PHTF2: variants seen among roughly 807,000 people sequenced by gnomAD.
PHTF2 encodes the protein putative homeodomain transcription factor 2.
PHTF2 carries 60 observed loss-of-function variants against 101.2 expected under a neutral mutation model. The ratio of observed to expected loss-of-function variants is 0.59; its 90% confidence interval spans 0.48 to 0.73. The LOEUF (loss-of-function observed/expected upper bound fraction) is 0.73. PHTF2 is among the 30% of genes least tolerant of loss of function. The pLI, the probability that PHTF2 is intolerant of heterozygous loss-of-function variation, is 0.00. For synonymous variants in PHTF2, 311 were observed against 307.3 expected (o/e 1.01, Z -0.13); for missense variants, 747 against 908.7 (o/e 0.82, Z 2.29).
chr7:77,933,228 A>C (rs1425202822), intron 12 of PHTF2, among the ~76,000 whole-genome samples: 1 of 152,128 alleles, frequency 6.6e-6, no homozygotes, highest in Non-Finnish European at 1.5e-5. Context: ...ACAGAGCGAG[A>C]CTCCGTCTCA....
At position 77,929,214 on chromosome 7, in the gene PHTF2, G is replaced by GA; in HGVS notation, c.1226dup (p.Asp409GlufsTer15). 6.2e-7 allele frequency: 1 copy of GA among 1,612,864 alleles called. No homozygotes were observed. The highest frequency in any genetic ancestry group is 1.1e-5 in the South Asian group (1 of 91,048). On this transcript the variant is annotated frameshift_variant, in exon 12 of 20. Transcript: ENST00000416283. LOFTEE classifies it high-confidence loss of function. ...TGAAACAGAAGATGTGTTATGGGAA[G>GA]ACTTGTTACATTGTGCAGAATGCCA...
chr7:77,941,067 C>T (rs1805601439), intron 15 of PHTF2, among the ~76,000 whole-genome samples: 1 of 152,052 alleles, frequency 6.6e-6, no homozygotes, highest in Admixed American at 6.6e-5. Flanking sequence ...CTGAGGATTA[C>T]TTCTTGTTAT....
intron 3 of PHTF2, among the ~76,000 whole-genome samples, chr7:77,887,888 TCA>T (rs1800011972): frequency 6.6e-6 from 1 of 152,214 alleles, no homozygotes; most frequent in Non-Finnish European, 1.5e-5. Flanking sequence ...AGAAAGGACT[TCA>T]CATTCTCACA....
chr7:77,832,782 G>A (rs1795169030), intron 1 of PHTF2, among the ~76,000 whole-genome samples: 1 of 151,744 alleles, frequency 6.6e-6, no homozygotes, highest in African/African-American at 2.4e-5. Context: ...CTATGTTATG[G>A]TGAGTTGTAT....
chr7:77,939,607 AAG>A (rs1160465837), intron 13 of PHTF2, among the ~76,000 whole-genome samples: 3 of 151,542 alleles, frequency 2.0e-5, no homozygotes, highest in South Asian at 4.2e-4. Context: ...AAAAAAAAAA[AAG>A]AAAACAGAAA....
rs533894624 is a variant in PHTF2 at position 77,937,648 on chromosome 7, A to G, written c.1339-62A>G. The stretch of plus-strand genomic sequence containing the variant: ...TATAGAGATATATATACAACTTTAT[A>G]TACACACATTTTATTTATTAAATGT... On this transcript the variant is annotated intron_variant, in intron 12 of 19. Transcript: ENST00000416283. 5.0e-6 allele frequency: 3 copies of G among 598,110 alleles called. No homozygotes were observed. The African/African-American group carries it at 5.8e-5, about 12-fold the overall frequency. The allele number at this position is 598,110 out of a possible 1,614,324, so 37.1% of individuals were successfully genotyped here.
chr7:77,812,181 C>T (rs1182179280), intron 1 of PHTF2, among the ~76,000 whole-genome samples: 1 of 152,074 alleles, frequency 6.6e-6, no homozygotes, highest in Non-Finnish European at 1.5e-5. Flanking sequence ...AACATTTAGT[C>T]TGGAAAAAGA....
chr7:77,805,184 G>A (rs1238825179), intron 1 of PHTF2, among the ~76,000 whole-genome samples: 1 of 152,118 alleles, frequency 6.6e-6, no homozygotes, highest in Non-Finnish European at 1.5e-5. Flanking sequence ...TTAATGTAAA[G>A]TTGTTAAATT....
intron 7 of PHTF2, among the ~76,000 whole-genome samples, chr7:77,902,326 A>G (rs1484050126): frequency 6.6e-6 from 1 of 152,100 alleles, no homozygotes; most frequent in East Asian, 1.9e-4. Flanking sequence ...TACTTTATCA[A>G]AATTCTGTAT....
chr7:77,952,834 C>G (rs1323147461), intron 18 of PHTF2, among the ~76,000 whole-genome samples: 1 of 152,192 alleles, frequency 6.6e-6, no homozygotes, highest in Non-Finnish European at 1.5e-5. Context: ...TTCTTTCTCT[C>G]TCTCTTTACA....
intron 2 of PHTF2, among the ~76,000 whole-genome samples, chr7:77,843,037 A>G (rs55848371): frequency 1.5e-3 from 229 of 152,278 alleles, no homozygotes; most frequent in Middle Eastern, 3.4e-3. Flanking sequence ...TTTAAAAATG[A>G]TATTTCATGT....
intron 2 of PHTF2, 77 bp downstream of exon 2, chr7:77,840,377 G>GTTA (rs1390665799): frequency 1.6e-5 from 14 of 875,902 alleles, no homozygotes; most frequent in Non-Finnish European, 2.6e-5. Context: ...TGCTATAGAT[G>GTTA]TTAGGATTTT....
rs143883421 is a variant in PHTF2, at chr7:77,831,779, C to T, written c.-35-8442C>T. Among the ~76,000 whole-genome samples, 570 of 152,148 alleles carry T rather than the reference C, an allele frequency of 3.7e-3. 3 individuals are homozygous for T. Among genetic ancestry groups the T allele is most frequent in the African/African-American group, 0.013 (546 of 41,440 alleles). On this transcript the variant is annotated intron_variant, in intron 1 of 19. Coordinates refer to ENST00000416283, the Ensembl canonical transcript of PHTF2. Reference sequence around the variant, plus strand: ...GGGTCAAAGAGGTTGCTTCTGAATGCGAGTCTACGCACTGTGTCATCCGTA... The same window carrying T: ...GGGTCAAAGAGGTTGCTTCTGAATGTGAGTCTACGCACTGTGTCATCCGTA...
Position 77,852,463 on chromosome 7 carries a change from C to T in PHTF2, c.46-2270C>T, listed in dbSNP as rs989680117. On this transcript the variant is annotated intron_variant, in intron 2 of 19. Transcript: ENST00000416283. Reference sequence around the variant, plus strand: ...TTTTAAACTGATGACAACTTAATACCGATTGCAAAAACTAACAAGCAAATG... The same window carrying T: ...TTTTAAACTGATGACAACTTAATACTGATTGCAAAAACTAACAAGCAAATG... Among the ~76,000 whole-genome samples the T allele has an allele frequency of 5.3e-5, 8 of 152,176 alleles. No individual in the cohort carries two copies. The East Asian group carries it at 1.4e-3, about 26-fold the overall frequency.
At position 77,859,716 on chromosome 7, in the gene PHTF2, T is replaced by C. The variant is rs544149256; in HGVS notation, c.147+4882T>C. 2.6e-5 allele frequency among the ~76,000 whole-genome samples: 4 copies of C among 152,180 alleles called. No individual in the cohort carries two copies. In the South Asian group the frequency reaches 8.3e-4, roughly 32 times the overall value. On this transcript the variant is annotated intron_variant, in intron 3 of 19. Transcript: ENST00000416283. ...GTAGCTGAGGCTATGACTATAGGCATGCACTAACACACCTGGCTAATTTTT... is the reference window on the plus strand; with the variant it reads ...GTAGCTGAGGCTATGACTATAGGCACGCACTAACACACCTGGCTAATTTTT...
At chr7:77,842,271 A>T (rs1414176468) in intron 2 of PHTF2, among the ~76,000 whole-genome samples, 1 of 152,082 alleles carries the variant, frequency 6.6e-6, no homozygotes, top group Non-Finnish European at 1.5e-5. Flanking sequence ...TGGCACAATC[A>T]CGGCTCACCG....
rs773808472 is a variant in PHTF2, at chr7:77,900,704, A to G, written c.217-7A>G. The G allele has an allele frequency of 7.0e-6, 10 of 1,428,874 alleles. No individual in the cohort carries two copies. Among genetic ancestry groups the G allele is most frequent in the Non-Finnish European group, 9.9e-6 (10 of 1,011,776 alleles). The allele number at this position is 1,428,874 out of a possible 1,614,324, so 88.5% of individuals were successfully genotyped here. On this transcript the variant is annotated splice_region_variant and splice_polypyrimidine_tract_variant and intron_variant, in intron 5 of 19. Transcript: ENST00000416283. ...ACAATTCCAATGCTTCTTTTGATAT[A>G]TTATAGGGGCTAAGGAATAAACCAA...
intron 3 of PHTF2, among the ~76,000 whole-genome samples, chr7:77,877,184 T>TGGCTCACTGCAACCTC (rs967031858): frequency 4.6e-5 from 7 of 151,582 alleles, no homozygotes; most frequent in African/African-American, 1.2e-4. Context: ...GGCACAATCT[T>TGGCTCACTGCAACCTC]GGCTCACTGC....
chr7:77,854,840 T>A (rs554766690), intron 3 of PHTF2: 1 of 757,268 alleles, frequency 1.3e-6, no homozygotes, highest in South Asian at 1.4e-5. Context: ...GTTTGGTGAG[T>A]AATGCCAGGC....
Sources: allele counts gnomAD v4.1 joint callset (sites outside exome capture counted in the v4.1 genomes callset), GRCh38; gene constraint gnomAD v4.1.1; transcripts MANE v1.5; gene names NCBI Gene and HGNC (gene_info 2026-07-23, HGNC 2026-07-21).